Variants in SHISA9 observed in about 807,000 individuals in gnomAD.
SHISA9 encodes the protein protein shisa-9.
A neutral mutation model predicts 38.0 loss-of-function variants in SHISA9; 13 were observed. That is an observed-to-expected ratio of 0.34 (90% CI 0.22 to 0.54). SHISA9 has a LOEUF of 0.54. Among genes scored for constraint, SHISA9 ranks in the 20% least tolerant of loss-of-function variants. The pLI, the probability that SHISA9 is intolerant of heterozygous loss-of-function variation, is 0.91. For missense variants in SHISA9, 538 were observed against 575.8 expected (o/e 0.93, Z 0.67); for synonymous variants, 275 against 242.0 (o/e 1.14, Z -1.27).
intron 2 of SHISA9, among the ~76,000 whole-genome samples, chr16:13,149,055 A>G (rs1331934733): frequency 6.6e-6 from 1 of 152,122 alleles, no homozygotes; most frequent in Non-Finnish European, 1.5e-5. Flanking sequence ...AGGCAAAGGG[A>G]TATTTACTGC....
the SHISA9 span, among the ~76,000 whole-genome samples, chr16:13,423,354 G>A: frequency 5.8e-4 from 88 of 152,254 alleles, no homozygotes; most frequent in Non-Finnish European, 1.2e-3. Context: ...ACAAAAGGGA[G>A]ATAAGTTCAA....
intron 2 of SHISA9, among the ~76,000 whole-genome samples, chr16:13,090,035 A>T (rs1319001561): frequency 1.3e-5 from 2 of 152,136 alleles, no homozygotes; most frequent in Non-Finnish European, 2.9e-5. Flanking sequence ...GAACATCTTT[A>T]TTTCTGCCTT....
At chr16:13,469,365 A>AAGAAAGAAAGAAAAGAAAAAGAAAGAAAG in the SHISA9 span, among the ~76,000 whole-genome samples, 12 of 64,518 alleles carry the variant, frequency 1.9e-4, no homozygotes, top group Non-Finnish European at 2.8e-4. Flanking sequence ...AAAGAAAAGA[A>AAGAAAGAAAGAAAAGAAAAAGAAAGAAAG]AAAGAAAGAA....
chr16:13,118,755 G>T (rs1293374996), intron 2 of SHISA9, among the ~76,000 whole-genome samples: 8 of 138,942 alleles, frequency 5.8e-5, no homozygotes, highest in Admixed American at 3.0e-4. Flanking sequence ...TTGAGACAGA[G>T]TTTCACTCTT....
chr16:12,910,487 C>G (rs1423490499), intron 1 of SHISA9: 1 of 985,258 alleles, frequency 1.0e-6, no homozygotes, highest in Admixed American at 6.2e-5. Flanking sequence ...GAAAGTTGAG[C>G]CAGCACTTTT....
the SHISA9 span, among the ~76,000 whole-genome samples, chr16:13,435,722 G>C: frequency 6.6e-6 from 1 of 152,222 alleles, no homozygotes; most frequent in Non-Finnish European, 1.5e-5. Flanking sequence ...TTGCAAAAGA[G>C]TGAAGATTTG....
At chr16:13,280,825 G>T in the SHISA9 span, among the ~76,000 whole-genome samples, 1 of 151,468 alleles carries the variant, frequency 6.6e-6, no homozygotes, top group Non-Finnish European at 1.5e-5. Flanking sequence ...TAGGAGAAAA[G>T]CCTCATGACA....
At chr16:13,469,417 GAAA>G in the SHISA9 span, among the ~76,000 whole-genome samples, 8 of 112,178 alleles carry the variant, frequency 7.1e-5, no homozygotes, top group Non-Finnish European at 1.7e-4. Flanking sequence ...AAGAAAGAAA[GAAA>G]GAAAAAGAAA....
chr16:12,987,857 T>C (rs1043813779), intron 2 of SHISA9, among the ~76,000 whole-genome samples: 1 of 152,228 alleles, frequency 6.6e-6, no homozygotes, highest in African/African-American at 2.4e-5. Flanking sequence ...TCAGCTGTCC[T>C]TGTAGAGGCG....
intron 2 of SHISA9, among the ~76,000 whole-genome samples, chr16:13,108,668 GA>G (rs1328643084): frequency 2.0e-5 from 3 of 152,218 alleles, no homozygotes; most frequent in African/African-American, 7.2e-5. Context: ...ATACTAGAGG[GA>G]AAAAAATCAG....
rs557102524 is a variant in SHISA9 at position 13,211,248 on chromosome 16, G to A, written c.848-2005G>A. On this transcript the variant is annotated intron_variant, in intron 3 of 4. Transcript: ENST00000558583. ...GGGGGCAGTGGGGGTGGAGGTTCCA[G>A]TGAGTCGAGATTGTGCCACTGCACT... is the stretch of plus-strand genomic sequence containing the variant. Among the ~76,000 whole-genome samples, 195 of 151,972 alleles carry A rather than the reference G, an allele frequency of 1.3e-3. 1 individual carries two copies. Among genetic ancestry groups the A allele is most frequent in the African/African-American group, 4.6e-3 (189 of 41,370 alleles).
At chr16:13,450,972 A>T in the SHISA9 span, among the ~76,000 whole-genome samples, 2 of 152,278 alleles carry the variant, frequency 1.3e-5, no homozygotes, top group East Asian at 3.9e-4. Flanking sequence ...ATCTTGGTAC[A>T]CATAACCCAG....
At chr16:13,045,147 T>C (rs1469986673) in intron 2 of SHISA9, among the ~76,000 whole-genome samples, 1 of 152,198 alleles carries the variant, frequency 6.6e-6, no homozygotes, top group Non-Finnish European at 1.5e-5. Flanking sequence ...TAATTTAAAG[T>C]TTAAGAAATG....
At chr16:13,015,858 C>G (rs966253634) in intron 2 of SHISA9, among the ~76,000 whole-genome samples, 1 of 59,730 alleles carries the variant, frequency 1.7e-5, no homozygotes, top group Non-Finnish European at 2.9e-5. Context: ...CTTTCCCTTT[C>G]TTTCTTTCTT....
the SHISA9 span, among the ~76,000 whole-genome samples, chr16:13,292,818 G>C: frequency 6.6e-6 from 1 of 152,106 alleles, no homozygotes; most frequent in East Asian, 1.9e-4. Flanking sequence ...AATTTGTCAA[G>C]GACCAACAGT....
At chr16:13,562,706 G>A in the SHISA9 span, 1 of 150,272 alleles carries the variant, frequency 6.7e-6, no homozygotes, top group Non-Finnish European at 1.5e-5. Context: ...TTTTTATCTA[G>A]CAACCTTACG....
At chr16:13,486,640 A>G in the SHISA9 span, among the ~76,000 whole-genome samples, 3 of 152,198 alleles carry the variant, frequency 2.0e-5, no homozygotes, top group African/African-American at 7.2e-5. Flanking sequence ...ATAAAAATCT[A>G]CTCTAGAGCC....
At chr16:12,928,233 C>G (rs1338828940) in intron 2 of SHISA9, among the ~76,000 whole-genome samples, 1 of 151,182 alleles carries the variant, frequency 6.6e-6, no homozygotes, top group Non-Finnish European at 1.5e-5. Flanking sequence ...ATTTTTGGTT[C>G]TTTTCTTAAT....
chr16:13,265,435 TTCCCTTCTCTTTCTC>T, the SHISA9 span, among the ~76,000 whole-genome samples: 9 of 107,702 alleles, frequency 8.4e-5, no homozygotes, highest in African/African-American at 3.3e-4. Flanking sequence ...TCCTCTTCCC[TTCCCTTCTCTTTCTC>T]TCCCTTCCCT....
Sources: allele counts gnomAD v4.1 joint callset (sites outside exome capture counted in the v4.1 genomes callset), GRCh38; gene constraint gnomAD v4.1.1; transcripts MANE v1.5; gene names NCBI Gene and HGNC (gene_info 2026-07-23, HGNC 2026-07-21).